ARPP19: variants seen among roughly 807,000 people sequenced by gnomAD.
The protein encoded by ARPP19 is cAMP-regulated phosphoprotein 19.
Under a neutral mutation model 12.0 loss-of-function variants are expected in ARPP19, and 8 were observed. The ratio of observed to expected loss-of-function variants is 0.67; its 90% CI spans 0.39 to 1.21. The LOEUF is 1.21. ARPP19 is among the 50% of genes most tolerant of loss of function. The pLI, the probability that ARPP19 is intolerant of heterozygous loss-of-function variation, is 0.01. For missense variants in ARPP19, 102 were observed against 136.3 expected (o/e 0.75, Z 1.25); for synonymous variants, 47 against 50.4 (o/e 0.93, Z 0.29).
In ARPP19 at chr15:52,551,915, A is replaced by G. The variant is rs765932557; in HGVS notation, c.*19T>C. 2.5e-6 allele frequency: 4 copies of G among 1,582,212 alleles called. No individual in the cohort carries two copies. The highest frequency in any genetic ancestry group is 2.2e-5 in the East Asian group (1 of 44,712). ...AGAAATAATGAGATTTAGCAGATTCATGCAGTTCAGCCTCTTAATCAGCCA... is the reference window on the plus strand; with the variant it reads ...AGAAATAATGAGATTTAGCAGATTCGTGCAGTTCAGCCTCTTAATCAGCCA... On this transcript the variant is annotated 3_prime_UTR_variant, in exon 3 of 3. Coordinates refer to ENST00000249822, the MANE Select transcript of ARPP19 (RefSeq NM_006628.6).
chr15:52,566,015 C>T (rs903001372), intron 1 of ARPP19, among the ~76,000 whole-genome samples: 2 of 152,006 alleles, frequency 1.3e-5, no homozygotes, highest in Non-Finnish European at 2.9e-5. Flanking sequence ...CCACCACACC[C>T]GGATAATTTT....
At chr15:52,564,485 T>C (rs1459201670) in intron 1 of ARPP19, among the ~76,000 whole-genome samples, 4 of 152,180 alleles carry the variant, frequency 2.6e-5, no homozygotes, top group Non-Finnish European at 5.9e-5. Context: ...AAAATACCAA[T>C]ATGAACTCCT....
chr15:52,552,583 CAAAAAAAAA>C (rs10600080), intron 2 of ARPP19, among the ~76,000 whole-genome samples: 11,918 of 59,818 alleles, frequency 0.2, 513 homozygotes, highest in Middle Eastern at 0.35. Context: ...GACTGTCTCA[CAAAAAAAAA>C]AAAAAAAAAA....
chr15:52,550,847 A>C lies in ARPP19; in HGVS notation c.*1087T>G, dbSNP rs528219299. The stretch of plus-strand genomic sequence containing the variant: ...TCTCCAAAACTGAGTGTGGAAGTAA[A>C]AAGTTTCTACATTTAAAAAGTTTAT... On this transcript the variant is annotated 3_prime_UTR_variant, in exon 3 of 3. Transcript: ENST00000249822. The C allele has an allele frequency of 6.5e-6, 1 of 152,766 alleles. No individual in the cohort carries two copies. Among genetic ancestry groups the C allele is most frequent in the East Asian group, 1.9e-4 (1 of 5,192 alleles). The allele number at this position is 152,766 out of a possible 1,614,324, so 9.5% of individuals were successfully genotyped here.
intron 2 of ARPP19, among the ~76,000 whole-genome samples, chr15:52,554,835 C>A (rs2077966813): frequency 6.6e-6 from 1 of 152,124 alleles, no homozygotes; most frequent in African/African-American, 2.4e-5. Context: ...TCTATGTAGT[C>A]ATGTGTACAC....
At position 52,548,079 on chromosome 15, in the gene ARPP19, G is replaced by A. The variant is rs887630367; in HGVS notation, c.*3855C>T. 2.1e-4 allele frequency: 32 copies of A among 152,376 alleles called. No homozygotes were observed. Among genetic ancestry groups the A allele is most frequent in the Admixed American group, 1.8e-3 (27 of 15,306 alleles). 9.4% of individuals were successfully genotyped at this position (152,376 alleles called of 1,614,324 possible). A position where few individuals can be genotyped will look rare whatever the true frequency, so the allele number is the denominator to read the frequency against. The stretch of plus-strand genomic sequence containing the variant: ...TCACCCAAACACCAATTTTAGAGCA[G>A]AGGAGCAGTAATCCCCTTTATCTGC... On this transcript the variant is annotated 3_prime_UTR_variant, in exon 3 of 3. Transcript: ENST00000249822.
rs986035796 is a variant in ARPP19, at chr15:52,568,947, A to C, written c.-55T>G. The C allele has an allele frequency of 9.9e-5, 73 of 738,766 alleles. No individual in the cohort carries two copies. The highest frequency in any genetic ancestry group is 1.3e-4 in the Non-Finnish European group (63 of 473,818). 45.8% of individuals were successfully genotyped at this position (738,766 alleles called of 1,614,324 possible). Reference sequence around the variant, plus strand: ...AAAAGATGCAATTAGCGGGTGGCCGAGGCCACCCGGCCGCCGCCCGTCCCA... The same window carrying C: ...AAAAGATGCAATTAGCGGGTGGCCGCGGCCACCCGGCCGCCGCCCGTCCCA... On this transcript the variant is annotated 5_prime_UTR_variant, in exon 1 of 3. Coordinates refer to ENST00000249822, the MANE Select transcript of ARPP19 (RefSeq NM_006628.6).
chr15:52,550,274 A>C lies in ARPP19; in HGVS notation c.*1660T>G, dbSNP rs1325722800. 6.6e-6 allele frequency: 1 copy of C among 152,188 alleles called. No individual in the cohort carries two copies. Among genetic ancestry groups the C allele is most frequent in the African/African-American group, 2.4e-5 (1 of 41,432 alleles). 9.4% of individuals were successfully genotyped at this position (152,188 alleles called of 1,614,324 possible). A position where few individuals can be genotyped will look rare whatever the true frequency, so the allele number is the denominator to read the frequency against. On this transcript the variant is annotated 3_prime_UTR_variant, in exon 3 of 3. Coordinates refer to ENST00000249822, the MANE Select transcript of ARPP19 (RefSeq NM_006628.6). ...ACTAGATAAGCCACAAGTAAAACTA[A>C]ATTGGTATTTTACTAAAGTGACATC...
rs371528161 is a variant in ARPP19 at position 52,564,492 on chromosome 15, T to C, written c.45+4356A>G. ...AGCTCCTGAAAATACCAATATGAACTCCTATTTTTAAAATACTGGAAGCAT... is the reference window on the plus strand; with the variant it reads ...AGCTCCTGAAAATACCAATATGAACCCCTATTTTTAAAATACTGGAAGCAT... On this transcript the variant is annotated intron_variant, in intron 1 of 2. Coordinates refer to ENST00000249822, the MANE Select transcript of ARPP19 (RefSeq NM_006628.6). Among the ~76,000 whole-genome samples, 252 of 152,268 alleles carry C rather than the reference T, an allele frequency of 1.7e-3. 1 individual carries two copies. The highest frequency in any genetic ancestry group is 6.8e-3 in the Middle Eastern group (2 of 294).
Position 52,547,053 on chromosome 15 carries a change from T to G in ARPP19, c.*4881A>C, listed in dbSNP as rs1418261478. 4 of 146,770 alleles carry G rather than the reference T, an allele frequency of 2.7e-5. No individual in the cohort carries two copies. Among genetic ancestry groups the G allele is most frequent in the Non-Finnish European group, 5.9e-5 (4 of 67,296 alleles). The allele number at this position is 146,770 out of a possible 1,614,324, so 9.1% of individuals were successfully genotyped here. A position where few individuals can be genotyped will look rare whatever the true frequency, so the allele number is the denominator to read the frequency against. ...AATAAGATGAAAAAGACTCACAATC[T>G]GCAAACATTTAATCCTACCTTAAGT... On this transcript the variant is annotated 3_prime_UTR_variant, in exon 3 of 3. Coordinates refer to ENST00000249822, the MANE Select transcript of ARPP19 (RefSeq NM_006628.6).
chr15:52,567,361 A>G (rs2078093133), intron 1 of ARPP19, among the ~76,000 whole-genome samples: 1 of 152,230 alleles, frequency 6.6e-6, no homozygotes, highest in Middle Eastern at 3.2e-3. Context: ...TCTAGAAGTC[A>G]ATACTGCATA....
chr15:52,564,340 A>T, intron 1 of ARPP19: 6 of 876,238 alleles, frequency 6.8e-6, no homozygotes, highest in Non-Finnish European at 1.1e-5. Flanking sequence ...TGAACCCAGG[A>T]GTTCAAGGCG....
chr15:52,551,745 C>T lies in ARPP19; in HGVS notation c.*189G>A, dbSNP rs2077933289. 1 of 555,806 alleles carries T rather than the reference C, an allele frequency of 1.8e-6. No homozygotes were observed. Among genetic ancestry groups the T allele is most frequent in the South Asian group, 2.5e-5 (1 of 40,334 alleles). 34.4% of individuals were successfully genotyped at this position (555,806 alleles called of 1,614,324 possible). A position where few individuals can be genotyped will look rare whatever the true frequency, so the allele number is the denominator to read the frequency against. ...TTATGTTGCTCTAACATGTCCTCTT[C>T]ACCAGTGCACTGTTAAACTAATCAA... On this transcript the variant is annotated 3_prime_UTR_variant, in exon 3 of 3. Coordinates refer to ENST00000249822, the MANE Select transcript of ARPP19 (RefSeq NM_006628.6).
intron 1 of ARPP19, among the ~76,000 whole-genome samples, chr15:52,559,222 G>C (rs2078010572): frequency 6.6e-6 from 1 of 152,128 alleles, no homozygotes; most frequent in Admixed American, 6.5e-5. Context: ...CACTTAGCCA[G>C]AAATAGAGAA....
intron 1 of ARPP19, among the ~76,000 whole-genome samples, chr15:52,564,017 G>T (rs563736168): frequency 1.3e-5 from 2 of 152,284 alleles, no homozygotes; most frequent in East Asian, 3.9e-4. Context: ...CACACTTGAG[G>T]ATTTCACCAT....
At chr15:52,564,352 C>T in intron 1 of ARPP19, 1 of 771,686 alleles carries the variant, frequency 1.3e-6, no homozygotes, top group South Asian at 1.5e-5. Context: ...TTCAAGGCGG[C>T]AATATGCTAT....
intron 1 of ARPP19, among the ~76,000 whole-genome samples, chr15:52,558,010 C>A (rs1239956212): frequency 2.6e-5 from 4 of 152,294 alleles, no homozygotes; most frequent in African/African-American, 9.6e-5. Context: ...TTTAATATAT[C>A]AAAAACCTGT....
rs2077928870 is a variant in ARPP19 at position 52,551,342 on chromosome 15, G to C, written c.*592C>G. 1 of 152,702 alleles carries C rather than the reference G, an allele frequency of 6.5e-6. No individual in the cohort carries two copies. The highest frequency in any genetic ancestry group is 2.4e-5 in the African/African-American group (1 of 41,440). The allele number at this position is 152,702 out of a possible 1,614,324, so 9.5% of individuals were successfully genotyped here. A position where few individuals can be genotyped will look rare whatever the true frequency, so the allele number is the denominator to read the frequency against. ...CTTCAACGGCAGCTGTTAAGCACTAGAGTCACATAAGTTACACCAGAATGG... is the reference window on the plus strand; with the variant it reads ...CTTCAACGGCAGCTGTTAAGCACTACAGTCACATAAGTTACACCAGAATGG... On this transcript the variant is annotated 3_prime_UTR_variant, in exon 3 of 3. Coordinates refer to ENST00000249822, the MANE Select transcript of ARPP19 (RefSeq NM_006628.6).
chr15:52,568,981 A>C lies in ARPP19; in HGVS notation c.-89T>G. ...GGCCGCCGCCCGTCCCAGCTCTCCC[A>C]GGGCCCGCCGGGCCGCCTCCGCCCG... On this transcript the variant is annotated 5_prime_UTR_variant, in exon 1 of 3. Coordinates refer to ENST00000249822, the MANE Select transcript of ARPP19 (RefSeq NM_006628.6). The C allele has an allele frequency of 1.0e-6, 1 of 992,852 alleles. No individual in the cohort carries two copies. Among genetic ancestry groups the C allele is most frequent in the Non-Finnish European group, 1.5e-6 (1 of 681,744 alleles). The allele number at this position is 992,852 out of a possible 1,614,324, so 61.5% of individuals were successfully genotyped here. A position where few individuals can be genotyped will look rare whatever the true frequency, so the allele number is the denominator to read the frequency against.
Sources: allele counts gnomAD v4.1 joint callset (sites outside exome capture counted in the v4.1 genomes callset), GRCh38; gene constraint gnomAD v4.1.1; transcripts MANE v1.5; gene names NCBI Gene and HGNC (gene_info 2026-07-23, HGNC 2026-07-21).